Variants in ANO4 observed in about 807,000 individuals in gnomAD.
ANO4 encodes the protein anoctamin-4.
ANO4 carries 69 observed loss-of-function variants against 141.9 expected under a neutral mutation model. The ratio of observed to expected loss-of-function variants is 0.49; its 90% CI spans 0.40 to 0.59. The LOEUF (loss-of-function observed/expected upper bound fraction) is 0.59. Among genes scored for constraint, ANO4 ranks in the 20% least tolerant of loss-of-function variants. ANO4 has a pLI of 0.00. For missense variants in ANO4, 894 were observed against 1,162.2 expected, an observed-to-expected ratio of 0.77 and a Z score of 3.36; for synonymous variants, 350 against 394.3, an observed-to-expected ratio of 0.89 and a Z score of 1.33.
At chr12:101,103,179 C>CA (rs2050259224) in intron 22 of ANO4, among the ~76,000 whole-genome samples, 1 of 70,274 alleles carries the variant, frequency 1.4e-5, no homozygotes, top group African/African-American at 6.8e-5. Flanking sequence ...CCTTTTTAGT[C>CA]ATTTTATATA....
chr12:100,892,916 G>A (rs563426997), intron 1 of ANO4, among the ~76,000 whole-genome samples: 217 of 152,062 alleles, frequency 1.4e-3, no homozygotes, highest in African/African-American at 5.0e-3. Flanking sequence ...GGCACCCTCC[G>A]TTTCTTTCTA....
At chr12:100,973,629 G>C (rs1164013406) in intron 6 of ANO4, among the ~76,000 whole-genome samples, 1 of 152,038 alleles carries the variant, frequency 6.6e-6, no homozygotes, top group Non-Finnish European at 1.5e-5. Flanking sequence ...TTCTCCCCCA[G>C]CCTACAGTTT....
chr12:100,824,450 T>G (rs1021944022), intron 1 of ANO4, among the ~76,000 whole-genome samples: 3 of 152,028 alleles, frequency 2.0e-5, no homozygotes, highest in Admixed American at 6.6e-5. Flanking sequence ...AAAAAAACTT[T>G]AGCCAAACAT....
chr12:100,860,642 A>G (rs928144528), intron 1 of ANO4, among the ~76,000 whole-genome samples: 4 of 152,174 alleles, frequency 2.6e-5, no homozygotes, highest in African/African-American at 9.7e-5. Context: ...GCAATTCCCC[A>G]GGTTCATTAA....
chr12:101,056,328 A>G (rs508265), intron 14 of ANO4, among the ~76,000 whole-genome samples: 33,131 of 149,916 alleles, frequency 0.22, 4,365 homozygotes, highest in East Asian at 0.54. Flanking sequence ...TGTTAAATTT[A>G]TGCCTATATA....
Position 101,067,242 on chromosome 12 carries a change from C to T in ANO4, c.1313-11951C>T, listed in dbSNP as rs983318860. 2.6e-5 allele frequency among the ~76,000 whole-genome samples: 4 copies of T among 152,118 alleles called. No individual in the cohort carries two copies. In the East Asian group the frequency reaches 7.7e-4, roughly 29 times the overall value. On this transcript the variant is annotated intron_variant, in intron 14 of 27. Transcript: ENST00000392977. Reference sequence around the variant, plus strand: ...ACAGCTTTGAGGTAATGCATACAGGCTTACATTATTTATGTTGTAAAGTGG... The same window carrying T: ...ACAGCTTTGAGGTAATGCATACAGGTTTACATTATTTATGTTGTAAAGTGG...
intron 2 of ANO4, among the ~76,000 whole-genome samples, chr12:100,917,187 A>G (rs544375199): frequency 3.3e-5 from 5 of 151,738 alleles, no homozygotes; most frequent in Non-Finnish European, 7.4e-5. Flanking sequence ...GCTATTCTTG[A>G]TTTTTTTTTA....
intron 11 of ANO4, 98 bp downstream of exon 11, chr12:101,040,174 A>G: frequency 6.9e-7 from 1 of 1,444,420 alleles, no homozygotes; most frequent in South Asian, 1.5e-5. Context: ...AAGAGCCTGA[A>G]GTGTACAGCT....
In ANO4 at chr12:100,932,546, G is replaced by A. The variant is rs1592754788; in HGVS notation, c.161-6769G>A. On this transcript the variant is annotated intron_variant, in intron 3 of 27. Transcript: ENST00000392977. ...TTATTTGAGTCCTTGAAATATATTT[G>A]TGATCTCTTATCCATAGGGTATTAA... Among the ~76,000 whole-genome samples, 2 of 152,220 alleles carry A rather than the reference G, an allele frequency of 1.3e-5. 1 individual carries two copies.
chr12:100,774,886 G>A (rs560462833), intron 3 of ANO4, among the ~76,000 whole-genome samples: 2 of 152,342 alleles, frequency 1.3e-5, no homozygotes, highest in East Asian at 3.9e-4. Context: ...ACTGCCTACA[G>A]GGGAAATGCA....
intron 22 of ANO4, among the ~76,000 whole-genome samples, 174 bp downstream of exon 22, chr12:101,099,894 G>A (rs927460432): frequency 2.0e-5 from 3 of 152,178 alleles, no homozygotes; most frequent in Non-Finnish European, 2.9e-5. Flanking sequence ...TAAGGAATCA[G>A]ATTTCTCTGG....
intron 14 of ANO4, among the ~76,000 whole-genome samples, chr12:101,061,621 T>A (rs1177774858): frequency 6.6e-6 from 1 of 151,892 alleles, no homozygotes; most frequent in African/African-American, 2.4e-5. Context: ...CACACTTTAT[T>A]TCATTAAGTT....
intron 18 of ANO4, 51 bp from the exon 19 acceptor site, chr12:101,096,485 G>T: frequency 7.1e-7 from 1 of 1,399,238 alleles, no homozygotes; most frequent in Non-Finnish European, 1.0e-6. Context: ...AGAGGGAGTT[G>T]AGAGGGGATG....
At chr12:100,916,980 TAAA>T (rs34313478) in intron 2 of ANO4, among the ~76,000 whole-genome samples, 1 of 137,010 alleles carries the variant, frequency 7.3e-6, no homozygotes. Flanking sequence ...GTGACTGTCT[TAAA>T]AAAAAAAAAA....
intron 15 of ANO4, among the ~76,000 whole-genome samples, chr12:101,079,581 T>C (rs1189568149): frequency 6.6e-6 from 1 of 152,100 alleles, no homozygotes; most frequent in East Asian, 1.9e-4. Context: ...CTTTTTTCTC[T>C]AACTTCAGCA....
At chr12:101,064,005 T>C (rs4123999) in intron 14 of ANO4, among the ~76,000 whole-genome samples, 64,416 of 151,218 alleles carry the variant, frequency 0.43, 14,162 homozygotes, top group African/African-American at 0.55. Context: ...TCTATTGTTT[T>C]TATGTTTCAT....
At chr12:101,073,274 G>C (rs1423641216) in intron 14 of ANO4, among the ~76,000 whole-genome samples, 1 of 152,098 alleles carries the variant, frequency 6.6e-6, no homozygotes, top group Admixed American at 6.5e-5. Context: ...CCTTTACAAG[G>C]ACATGGATGA....
At chr12:100,780,928 A>C (rs1395478044) in intron 3 of ANO4, among the ~76,000 whole-genome samples, 1 of 152,226 alleles carries the variant, frequency 6.6e-6, no homozygotes, top group Non-Finnish European at 1.5e-5. Context: ...AATTATCCTA[A>C]TTATTTTAAG....
intron 3 of ANO4, among the ~76,000 whole-genome samples, chr12:100,938,390 A>G (rs1173623502): frequency 6.6e-6 from 1 of 152,238 alleles, no homozygotes; most frequent in African/African-American, 2.4e-5. Context: ...ATGTTTTTGA[A>G]TGAAAGAATG....
Sources: allele counts gnomAD v4.1 joint callset (sites outside exome capture counted in the v4.1 genomes callset), GRCh38; gene constraint gnomAD v4.1.1; transcripts MANE v1.5; gene names NCBI Gene and HGNC (gene_info 2026-07-23, HGNC 2026-07-21).